The following SNX3 variants were observed in gnomAD, a reference collection of about 807,000 sequenced individuals.
The protein encoded by SNX3 is sorting nexin-3.
In SNX3, 5 loss-of-function variants were observed where a neutral mutation model predicts 17.7. The observed-to-expected ratio is 0.28, with a 90% CI of 0.15 to 0.59. The LOEUF is 0.59. Among genes scored for constraint, SNX3 ranks in the 20% least tolerant of loss-of-function variants. The pLI, the probability that SNX3 is intolerant of heterozygous loss-of-function variation, is 0.88. For synonymous variants in SNX3, 91 were observed against 76.5 expected, an observed-to-expected ratio of 1.19 and a Z score of -0.99; for missense variants, 132 against 206.8, an observed-to-expected ratio of 0.64 and a Z score of 2.22.
At chr6:108,239,545 G>A (rs867368985) in intron 1 of SNX3, among the ~76,000 whole-genome samples, 4 of 152,150 alleles carry the variant, frequency 2.6e-5, no homozygotes, top group Non-Finnish European at 2.9e-5. Context: ...ATTCTCACAA[G>A]TTATCACTTA....
chr6:108,260,985 C>T lies in SNX3; in HGVS notation c.-64G>A, dbSNP rs1011059133. The T allele has an allele frequency of 2.1e-6, 3 of 1,399,614 alleles. No homozygotes were observed. Among genetic ancestry groups the T allele is most frequent in the Admixed American group, 3.3e-5 (1 of 29,948 alleles). The allele number at this position is 1,399,614 out of a possible 1,614,324, so 86.7% of individuals were successfully genotyped here. On this transcript the variant is annotated 5_prime_UTR_variant, in exon 1 of 4. Coordinates refer to ENST00000230085, the MANE Select transcript of SNX3 (RefSeq NM_003795.6). ...CCCCCTCCGCGTTCAGCCGCCGCCG[C>T]CGCCGCTGCTGCCCGCCGTGGGGAC...
Position 108,225,861 on chromosome 6 carries a change from A to G in SNX3, c.163-2816T>C, listed in dbSNP as rs574946538. Among the ~76,000 whole-genome samples, 111 of 151,898 alleles carry G rather than the reference A, an allele frequency of 7.3e-4. 1 individual carries two copies. The highest frequency in any genetic ancestry group is 3.4e-3 in the Middle Eastern group (1 of 290). On this transcript the variant is annotated intron_variant, in intron 1 of 3. Coordinates refer to ENST00000230085, the MANE Select transcript of SNX3 (RefSeq NM_003795.6). ...AGCCTGGGAAACATAAGAAGATTCC[A>G]TCTCTACAAAAAATAAAATAAATTT... is the stretch of plus-strand genomic sequence containing the variant.
intron 1 of SNX3, among the ~76,000 whole-genome samples, chr6:108,239,689 A>G (rs1775459389): frequency 6.6e-6 from 1 of 152,220 alleles, no homozygotes; most frequent in South Asian, 2.1e-4. Context: ...ATTAACAGAG[A>G]GAGGATTCTT....
At chr6:108,213,332 C>T (rs760226572) in intron 3 of SNX3, among the ~76,000 whole-genome samples, 1 of 152,080 alleles carries the variant, frequency 6.6e-6, no homozygotes, top group Admixed American at 6.6e-5. Context: ...CACTGGGCAA[C>T]CGGACTATTA....
intron 1 of SNX3, among the ~76,000 whole-genome samples, chr6:108,235,088 C>T (rs1775283869): frequency 6.6e-6 from 1 of 152,220 alleles, no homozygotes; most frequent in South Asian, 2.1e-4. Context: ...AACCATGACA[C>T]TCAATATTTA....
intron 1 of SNX3, among the ~76,000 whole-genome samples, chr6:108,227,371 T>C (rs954190757): frequency 6.6e-6 from 1 of 152,160 alleles, no homozygotes. Flanking sequence ...CGGAAGTCTA[T>C]AAAGTTAATC....
intron 1 of SNX3, among the ~76,000 whole-genome samples, chr6:108,240,207 T>C (rs992490122): frequency 1.3e-5 from 2 of 152,098 alleles, no homozygotes; most frequent in Admixed American, 1.3e-4. Context: ...CAGAAGTCTG[T>C]GTGTGGGTTT....
In SNX3 at chr6:108,258,709, G is replaced by A. The variant is rs552325513; in HGVS notation, c.162+2051C>T. 5.3e-5 allele frequency among the ~76,000 whole-genome samples: 8 copies of A among 152,014 alleles called. No individual in the cohort carries two copies. In the South Asian group the frequency reaches 1.7e-3, roughly 32 times the overall value. On this transcript the variant is annotated intron_variant, in intron 1 of 3. Coordinates refer to ENST00000230085, the MANE Select transcript of SNX3 (RefSeq NM_003795.6). ...TTTTTTGTGGGGAAGGGGTTTCAACGTGTTGCCCAGGCTGGTCTCAAACTT... is the reference window on the plus strand; with the variant it reads ...TTTTTTGTGGGGAAGGGGTTTCAACATGTTGCCCAGGCTGGTCTCAAACTT...
At chr6:108,241,824 A>T (rs750090426) in intron 1 of SNX3, among the ~76,000 whole-genome samples, 2 of 152,232 alleles carry the variant, frequency 1.3e-5, no homozygotes, top group Non-Finnish European at 2.9e-5. Context: ...AGTGTGAGCC[A>T]TAGACAGGAG....
At chr6:108,236,596 G>C (rs1775348984) in intron 1 of SNX3, among the ~76,000 whole-genome samples, 1 of 150,400 alleles carries the variant, frequency 6.6e-6, no homozygotes, top group Non-Finnish European at 1.5e-5. Flanking sequence ...TTTTTTTTTA[G>C]CCGGGATGGT....
chr6:108,243,449 A>G (rs1266732480), intron 1 of SNX3, among the ~76,000 whole-genome samples: 2 of 152,252 alleles, frequency 1.3e-5, no homozygotes, highest in Non-Finnish European at 2.9e-5. Flanking sequence ...AAGAAATGCT[A>G]AAGAAATCCT....
Position 108,229,143 on chromosome 6 carries a change from C to G in SNX3, c.163-6098G>C, listed in dbSNP as rs374567428. Among the ~76,000 whole-genome samples the G allele has an allele frequency of 4.6e-5, 7 of 151,574 alleles. No homozygotes were observed. In the East Asian group the frequency reaches 1.4e-3, roughly 30 times the overall value. The stretch of plus-strand genomic sequence containing the variant: ...GGTGAGGTGGCACGAGCCTGTAATT[C>G]CTGCTACTCCGGAGGCTATGGCAGG... On this transcript the variant is annotated intron_variant, in intron 1 of 3. Transcript: ENST00000230085.
chr6:108,223,058 A>G lies in SNX3; in HGVS notation c.163-13T>C, dbSNP rs768600331. On this transcript the variant is annotated splice_polypyrimidine_tract_variant and intron_variant, in intron 1 of 3. Coordinates refer to ENST00000230085, the MANE Select transcript of SNX3 (RefSeq NM_003795.6). ...TAGGAAGATTTGTCTGAAACAAAAAAAGTTAGTCCTAAATTGAAGCACATT... is the reference window on the plus strand; with the variant it reads ...TAGGAAGATTTGTCTGAAACAAAAAGAGTTAGTCCTAAATTGAAGCACATT... 2.7e-6 allele frequency: 4 copies of G among 1,487,648 alleles called. No individual in the cohort carries two copies. The highest frequency in any genetic ancestry group is 3.7e-6 in the Non-Finnish European group (4 of 1,071,342). The allele number at this position is 1,487,648 out of a possible 1,614,324, so 92.2% of individuals were successfully genotyped here.
At chr6:108,226,574 GA>G (rs1011975402) in intron 1 of SNX3, among the ~76,000 whole-genome samples, 18 of 152,100 alleles carry the variant, frequency 1.2e-4, no homozygotes, top group Non-Finnish European at 2.6e-4. Context: ...ACAATTGGAA[GA>G]AAAAAGTTAA....
chr6:108,234,016 G>C (rs1775247989), intron 1 of SNX3, among the ~76,000 whole-genome samples: 1 of 152,040 alleles, frequency 6.6e-6, no homozygotes, highest in South Asian at 2.1e-4. Flanking sequence ...GCATCAGGCA[G>C]CTATGGACTA....
rs1200735383 is a variant in SNX3 at position 108,260,856 on chromosome 6, G to A, written c.66C>T (p.Tyr22=). 4 of 1,612,964 alleles carry A rather than the reference G, an allele frequency of 2.5e-6. No individual in the cohort carries two copies. Among genetic ancestry groups the A allele is most frequent in the East Asian group, 2.2e-5 (1 of 44,678 alleles). ...TCTCGAGGAAGTTGCTGGGGGGTCC[G>A]TAGGCGTCATTCAGGTTCTGCGGCT... ...ITKPQNLNDA[Y]GPPSNFLEID... is the part of the protein sequence containing the mutation. Residue 22 remains tyrosine (Y), a synonymous_variant, in exon 1 of 4, where the codon TAC becomes TAT. Transcript: ENST00000230085.
intron 3 of SNX3, 43 bp from the exon 4 acceptor site, chr6:108,212,297 G>A (rs1320730118): frequency 7.5e-7 from 1 of 1,335,250 alleles, no homozygotes; most frequent in South Asian, 1.3e-5. Flanking sequence ...TTTTATACAA[G>A]GTGGGGGAGT....
At chr6:108,256,093 G>C (rs1167648179) in intron 1 of SNX3, among the ~76,000 whole-genome samples, 1 of 152,082 alleles carries the variant, frequency 6.6e-6, no homozygotes, top group Non-Finnish European at 1.5e-5. Flanking sequence ...AGCTGGGTGT[G>C]GTGGTATGCG....
At chr6:108,255,897 T>C (rs1242994676) in intron 1 of SNX3, among the ~76,000 whole-genome samples, 1 of 152,174 alleles carries the variant, frequency 6.6e-6, no homozygotes. Flanking sequence ...CAGCCAACGT[T>C]ATTATTCAGC....
Sources: gnomAD v4.1 joint callset for allele counts (sites outside exome capture counted in the v4.1 genomes callset) on GRCh38, gnomAD v4.1.1 for gene constraint, MANE v1.5 for transcripts, NCBI Gene and HGNC (gene_info 2026-07-23, HGNC 2026-07-21) for gene names.